Variants in XRCC6 observed in about 807,000 individuals in gnomAD.
The protein encoded by XRCC6 is X-ray repair cross complementing 6.
In XRCC6, 5 loss-of-function variants were observed where a neutral mutation model predicts 65.7. The ratio of observed to expected loss-of-function variants is 0.08; its 90% confidence interval spans 0.04 to 0.16. XRCC6 has a LOEUF of 0.16. Among genes scored for constraint, XRCC6 ranks in the 10% least tolerant of loss-of-function variants. The probability of loss-of-function intolerance (pLI) is 1.00; values close to 1 mark genes in which losing one functional copy is unlikely to be tolerated. For synonymous variants in XRCC6, 270 were observed against 270.6 expected, an observed-to-expected ratio of 1.00 and a Z score of 0.02; for missense variants, 447 against 738.1, an observed-to-expected ratio of 0.61 and a Z score of 4.57.
intron 6 of XRCC6, among the ~76,000 whole-genome samples, chr22:41,645,076 G>A (rs890453027): frequency 1.3e-4 from 20 of 151,652 alleles, no homozygotes; most frequent in African/African-American, 4.1e-4. Flanking sequence ...CGAGGCGGGC[G>A]GATCACCTGA....
At chr22:41,660,572 A>G (rs1420796902) in intron 11 of XRCC6, among the ~76,000 whole-genome samples, 2 of 152,032 alleles carry the variant, frequency 1.3e-5, no homozygotes, top group Non-Finnish European at 2.9e-5. Context: ...CCCAGCTTCC[A>G]TGACCTCATC....
At chr22:41,654,916 A>G (rs541857788) in intron 9 of XRCC6, among the ~76,000 whole-genome samples, 2 of 152,350 alleles carry the variant, frequency 1.3e-5, no homozygotes, top group South Asian at 4.1e-4. Flanking sequence ...TCAGTTACCC[A>G]TAGTCAACCA....
chr22:41,654,814 A>G (rs1041303692), intron 9 of XRCC6, among the ~76,000 whole-genome samples: 5 of 152,192 alleles, frequency 3.3e-5, no homozygotes, highest in African/African-American at 1.2e-4. Flanking sequence ...ACTGGAACCA[A>G]CTGCCGCCAG....
intron 12 of XRCC6, 140 bp downstream of exon 12, chr22:41,661,584 CAA>C: frequency 4.3e-6 from 3 of 689,868 alleles, no homozygotes; most frequent in Non-Finnish European, 7.1e-6. Context: ...CAGACAATAA[CAA>C]ATGCTGGCAA....
chr22:41,626,241 C>G (rs149909354), intron 2 of XRCC6, among the ~76,000 whole-genome samples: 53 of 151,900 alleles, frequency 3.5e-4, no homozygotes, highest in African/African-American at 1.2e-3. Flanking sequence ...GTCCCAGATT[C>G]AAGCGATTCT....
rs368079935 is a variant in XRCC6 at position 41,657,007 on chromosome 22, G to A, written c.1396G>A (p.Val466Ile). ...GCAGGTGGGCAAGATGAAGGCTATC[G>A]TTGAGAAGCTTCGCTTCACATACAG... ...PEQVGKMKAI[V>I]EKLRFTYRSD... The change falls in exon 10 of 13, where the codon GTT becomes ATT. Residue 466 changes from valine (V) to isoleucine (I), a missense_variant. Val to Ile is a conservative substitution (Grantham distance 29). This residue lies in a region of XRCC6 where 201 missense variants were observed against 374.1 expected (regional missense o/e 0.54). Transcript: ENST00000360079. 287 of 1,595,708 alleles carry A rather than the reference G, an allele frequency of 1.8e-4. No homozygotes were observed. Among genetic ancestry groups the A allele is most frequent in the Non-Finnish European group, 2.2e-4 (253 of 1,174,962 alleles).
Position 41,632,065 on chromosome 22 carries a change from C to T in XRCC6, c.195+3835C>T, listed in dbSNP as rs565712622. 2.6e-4 allele frequency among the ~76,000 whole-genome samples: 39 copies of T among 151,918 alleles called. No homozygotes were observed. In the South Asian group the frequency reaches 6.2e-3, roughly 24 times the overall value. The stretch of plus-strand genomic sequence containing the variant: ...ATCAGGCAGGGAGGTTGCAGTGAGC[C>T]GAGATGGCAGCAGTACAGTCCAGCT... On this transcript the variant is annotated intron_variant, in intron 3 of 12. Coordinates refer to ENST00000360079, the MANE Select transcript of XRCC6 (RefSeq NM_001469.5).
Position 41,663,652 on chromosome 22 carries a change from AGGT to A in XRCC6, c.1670_1672del (p.Val557del). 6.2e-7 allele frequency: 1 copy of A among 1,613,834 alleles called. No homozygotes were observed. Among genetic ancestry groups the A allele is most frequent in the Non-Finnish European group, 8.5e-7 (1 of 1,179,766 alleles). On this transcript the variant is annotated inframe_deletion, in exon 13 of 13. Transcript: ENST00000360079. ...GAAGGTTCTGGAAGCAAAAGGCCCA[AGGT>A]GGAGTATTCAGAAGAGGAGCTGAAG...
chr22:41,628,210 C>G lies in XRCC6; in HGVS notation c.175C>G (p.Pro59Ala). Residue 59 changes from proline (P) to alanine (A), a missense_variant, in exon 3 of 13, where the codon CCT becomes GCT. Transcript: ENST00000360079. Reference sequence around the variant, plus strand: ...ATCTCAGAGTGAAGATGAGTTGACACCTTTTGACATGAGCATCCAGGTAAG... The same window carrying G: ...ATCTCAGAGTGAAGATGAGTTGACAGCTTTTGACATGAGCATCCAGGTAAG... ...FESQSEDELT[P>A]FDMSIQCIQS... 6.2e-7 allele frequency: 1 copy of G among 1,612,766 alleles called. No homozygotes were observed. The highest frequency in any genetic ancestry group is 1.1e-5 in the South Asian group (1 of 90,742).
intron 3 of XRCC6, among the ~76,000 whole-genome samples, chr22:41,631,881 C>T (rs947063677): frequency 6.6e-6 from 1 of 152,170 alleles, no homozygotes; most frequent in African/African-American, 2.4e-5. Flanking sequence ...ATCCCGGCAC[C>T]TCCGGAGGCC....
Position 41,658,369 on chromosome 22 carries a change from G to C in XRCC6, c.1522+17G>C, listed in dbSNP as rs200180852. 6.2e-7 allele frequency: 1 copy of C among 1,612,312 alleles called. No individual in the cohort carries two copies. The highest frequency in any genetic ancestry group is 1.3e-5 in the African/African-American group (1 of 74,984). On this transcript the variant is annotated intron_variant, in intron 11 of 12. Transcript: ENST00000360079. Reference sequence around the variant, plus strand: ...ACCTGACATGTAAGGAGGTTGAATAGAGTAGTTCTTTTCATGGGAGGCTTT... The same window carrying C: ...ACCTGACATGTAAGGAGGTTGAATACAGTAGTTCTTTTCATGGGAGGCTTT...
intron 11 of XRCC6, among the ~76,000 whole-genome samples, chr22:41,658,855 C>T (rs1601557450): frequency 6.6e-6 from 1 of 152,210 alleles, no homozygotes; most frequent in Admixed American, 6.5e-5. Flanking sequence ...CGGTTGAACT[C>T]AGGAGGCAGA....
intron 7 of XRCC6, among the ~76,000 whole-genome samples, chr22:41,650,189 C>T (rs572768323): frequency 2.6e-5 from 4 of 151,454 alleles, no homozygotes; most frequent in African/African-American, 9.7e-5. Context: ...ACTGCATCCT[C>T]GAACTCCTGG....
At chr22:41,628,008 C>A in intron 2 of XRCC6, 110 bp from the exon 3 acceptor site, 1 of 670,018 alleles carries the variant, frequency 1.5e-6, no homozygotes. Context: ...GGTTGTTCAC[C>A]TTATAATAAT....
chr22:41,636,349 C>G, intron 4 of XRCC6, 98 bp downstream of exon 4: 1 of 1,500,166 alleles, frequency 6.7e-7, no homozygotes, highest in Non-Finnish European at 8.9e-7. Flanking sequence ...TACATCTTGT[C>G]TAGGAGTATG....
intron 2 of XRCC6, 81 bp from the exon 3 acceptor site, chr22:41,628,037 C>CT (rs2067697509): frequency 1.1e-6 from 1 of 903,994 alleles, no homozygotes; most frequent in Non-Finnish European, 1.7e-6. Flanking sequence ...TTATACTTTC[C>CT]TTTATGGCCT....
chr22:41,650,320 G>A (rs1461950326), intron 7 of XRCC6, among the ~76,000 whole-genome samples: 1 of 151,864 alleles, frequency 6.6e-6, no homozygotes, highest in African/African-American at 2.4e-5. Context: ...GTCCAGGCTG[G>A]TCTTGAACTC....
chr22:41,643,917 G>A (rs1223919560), intron 6 of XRCC6, among the ~76,000 whole-genome samples: 6 of 149,092 alleles, frequency 4.0e-5, no homozygotes, highest in African/African-American at 7.5e-5. Flanking sequence ...CCCGGGAGGC[G>A]GAGGTTGCAG....
At chr22:41,625,267 G>A (rs1032408224) in intron 2 of XRCC6, among the ~76,000 whole-genome samples, 3 of 152,206 alleles carry the variant, frequency 2.0e-5, no homozygotes, top group Non-Finnish European at 2.9e-5. Context: ...TCGCGTCATC[G>A]CATGTTTAAG....
Sources: gnomAD v4.1 joint callset for allele counts (sites outside exome capture counted in the v4.1 genomes callset) on GRCh38, gnomAD v4.1.1 for gene constraint, gnomAD v4.1.1 regional missense constraint, MANE v1.5 for transcripts, NCBI Gene and HGNC (gene_info 2026-07-23, HGNC 2026-07-21) for gene names.